Variants in KCNH8 observed in about 807,000 individuals in gnomAD.
KCNH8 encodes the protein voltage-gated delayed rectifier potassium channel KCNH8.
KCNH8 carries 70 observed loss-of-function variants against 103.6 expected under a neutral mutation model. That is an observed-to-expected ratio of 0.68 (90% CI 0.56 to 0.82). The LOEUF is 0.82. Among genes scored for constraint, KCNH8 ranks in the 40% least tolerant of loss-of-function variants. The probability of loss-of-function intolerance (pLI) is 0.00; values close to 1 mark genes in which losing one functional copy is unlikely to be tolerated. For missense variants in KCNH8, 1,217 were observed against 1,329.9 expected (o/e 0.92, Z 1.32); for synonymous variants, 498 against 489.4 (o/e 1.02, Z -0.23).
At chr3:19,457,129 A>G in intron 11 of KCNH8, 147 bp downstream of exon 11, 1 of 561,782 alleles carries the variant, frequency 1.8e-6, no homozygotes, top group Non-Finnish European at 3.2e-6. Flanking sequence ...TAAGCAATTA[A>G]ATAATTAGCG....
At chr3:19,503,799 G>T in intron 11 of KCNH8, among the ~76,000 whole-genome samples, 1 of 136,252 alleles carries the variant, frequency 7.3e-6, no homozygotes, top group Non-Finnish European at 1.6e-5. Context: ...GAGGGGGGAG[G>T]GATAGCATTA....
At chr3:19,468,544 T>C (rs778364000) in intron 11 of KCNH8, among the ~76,000 whole-genome samples, 9 of 152,060 alleles carry the variant, frequency 5.9e-5, no homozygotes, top group Non-Finnish European at 1.2e-4. Context: ...GGAAAAGAGA[T>C]TTTCAAAAGC....
At chr3:19,298,372 G>A (rs550622298) in intron 3 of KCNH8, among the ~76,000 whole-genome samples, 1 of 152,276 alleles carries the variant, frequency 6.6e-6, no homozygotes, top group Non-Finnish European at 1.5e-5. Flanking sequence ...GTAGAATGCT[G>A]GAGACCTCAA....
chr3:19,392,369 A>T (rs549040780), intron 6 of KCNH8, among the ~76,000 whole-genome samples: 1 of 151,384 alleles, frequency 6.6e-6, no homozygotes, highest in East Asian at 1.9e-4. Flanking sequence ...GTTACCAGTG[A>T]TACTTGTTCT....
chr3:19,234,777 G>A (rs1037567944), intron 1 of KCNH8, among the ~76,000 whole-genome samples: 2 of 152,258 alleles, frequency 1.3e-5, no homozygotes, highest in Non-Finnish European at 2.9e-5. Flanking sequence ...AGAGAGGGCC[G>A]TGAGCACTGC....
chr3:19,362,104 G>C (rs13083035), intron 5 of KCNH8, among the ~76,000 whole-genome samples: 35,746 of 151,982 alleles, frequency 0.24, 4,628 homozygotes, highest in Middle Eastern at 0.31. Context: ...GATAATGTAG[G>C]GGAGGAAAAT....
intron 8 of KCNH8, among the ~76,000 whole-genome samples, chr3:19,441,309 C>T (rs1392911654): frequency 6.6e-6 from 1 of 152,198 alleles, no homozygotes. Flanking sequence ...AAGCCTTCTA[C>T]ATTTGCTATG....
intron 3 of KCNH8, among the ~76,000 whole-genome samples, chr3:19,296,131 A>T (rs554866242): frequency 6.6e-6 from 1 of 152,318 alleles, no homozygotes; most frequent in Admixed American, 6.5e-5. Flanking sequence ...TAACTCATGG[A>T]CAATATAGAA....
At chr3:19,217,499 G>GC (rs2063829351) in intron 1 of KCNH8, among the ~76,000 whole-genome samples, 1 of 151,940 alleles carries the variant, frequency 6.6e-6, no homozygotes, top group Non-Finnish European at 1.5e-5. Flanking sequence ...ATATAATTAC[G>GC]CATTTAACAA....
chr3:19,498,493 C>T (rs1259093216), intron 11 of KCNH8, among the ~76,000 whole-genome samples: 1 of 152,080 alleles, frequency 6.6e-6, no homozygotes, highest in Non-Finnish European at 1.5e-5. Context: ...TATTTCTCCT[C>T]CACTTATGAA....
chr3:19,407,025 T>C (rs1382151279), intron 7 of KCNH8, among the ~76,000 whole-genome samples: 2 of 152,156 alleles, frequency 1.3e-5, no homozygotes, highest in Admixed American at 1.3e-4. Flanking sequence ...TTTTTCTACT[T>C]CCAAACATCC....
At chr3:19,257,044 A>G (rs1481144255) in intron 2 of KCNH8, among the ~76,000 whole-genome samples, 2 of 152,052 alleles carry the variant, frequency 1.3e-5, no homozygotes, top group African/African-American at 4.8e-5. Context: ...TTCTTAGTAA[A>G]TACTTGCTGA....
intron 15 of KCNH8, among the ~76,000 whole-genome samples, chr3:19,528,140 G>T (rs1201330975): frequency 2.6e-5 from 4 of 151,946 alleles, no homozygotes; most frequent in Admixed American, 1.3e-4. Context: ...TAAAGAAAAT[G>T]TATATTAATA....
intron 5 of KCNH8, among the ~76,000 whole-genome samples, chr3:19,352,884 A>C (rs974673843): frequency 6.6e-6 from 1 of 152,242 alleles, no homozygotes; most frequent in Admixed American, 6.5e-5. Flanking sequence ...AACTAAAATC[A>C]GAGCAGAGCT....
intron 3 of KCNH8, among the ~76,000 whole-genome samples, chr3:19,308,114 G>A (rs918313637): frequency 2.0e-5 from 3 of 151,782 alleles, no homozygotes; most frequent in African/African-American, 7.3e-5. Flanking sequence ...TGATCTGATT[G>A]CTATATGTTA....
chr3:19,519,273 A>C (rs1481866606), intron 15 of KCNH8, among the ~76,000 whole-genome samples: 1 of 151,924 alleles, frequency 6.6e-6, no homozygotes, highest in Non-Finnish European at 1.5e-5. Context: ...CTAGGAGTAA[A>C]GTCTTAGTAA....
At position 19,395,247 on chromosome 3, in the gene KCNH8, G is replaced by C. The variant is rs754907543; in HGVS notation, c.1113G>C (p.Ala371=). 1.2e-6 allele frequency: 2 copies of C among 1,609,662 alleles called. No homozygotes were observed. Among genetic ancestry groups the C allele is most frequent in the African/African-American group, 2.7e-5 (2 of 74,606 alleles). Residue 371 remains alanine, a synonymous_variant, in exon 7 of 16, where the codon GCG becomes GCC. Coordinates refer to ENST00000328405, the MANE Select transcript of KCNH8 (RefSeq NM_144633.3). ...SMFALLAHWM[A]CIWYVIGKME... is the part of the protein sequence containing the mutation. ...TTGCACTCCTTGCACACTGGATGGC[G>C]TGTATCTGGTACGTCATTGGAAAAA...
At chr3:19,351,696 T>C (rs1165311470) in intron 5 of KCNH8, among the ~76,000 whole-genome samples, 3 of 152,122 alleles carry the variant, frequency 2.0e-5, no homozygotes, top group Admixed American at 6.5e-5. Context: ...GAGAGATTTT[T>C]GTCACCACCA....
chr3:19,507,301 C>G (rs1054398822), intron 11 of KCNH8, among the ~76,000 whole-genome samples: 4 of 152,160 alleles, frequency 2.6e-5, no homozygotes, highest in Non-Finnish European at 5.9e-5. Context: ...TGTTGATTGC[C>G]TCTGGGAGCC....
Sources: gnomAD v4.1 joint callset for allele counts (sites outside exome capture counted in the v4.1 genomes callset) on GRCh38, gnomAD v4.1.1 for gene constraint, MANE v1.5 for transcripts, NCBI Gene and HGNC (gene_info 2026-07-23, HGNC 2026-07-21) for gene names.